Variants in ZBTB46 observed in about 807,000 individuals in gnomAD.
ZBTB46 encodes the protein zinc finger and BTB domain containing 46.
In ZBTB46, 8 loss-of-function variants were observed where a neutral mutation model predicts 44.1. The ratio of observed to expected loss-of-function variants is 0.18; its 90% CI spans 0.11 to 0.33. The LOEUF is 0.33. ZBTB46 is among the 10% of genes least tolerant of loss of function. The pLI is 1.00. For synonymous variants in ZBTB46, 409 were observed against 382.3 expected (o/e 1.07, Z -0.81); for missense variants, 651 against 847.7 (o/e 0.77, Z 2.88).
chr20:63,759,780 T>G (rs188545787), intron 3 of ZBTB46, among the ~76,000 whole-genome samples: 25 of 152,350 alleles, frequency 1.6e-4, no homozygotes, highest in Non-Finnish European at 5.9e-5. Context: ...TTAACTTTTT[T>G]TTTTGTAGAT....
At chr20:63,820,895 A>ATTT (rs57955289) in intron 1 of ZBTB46, among the ~76,000 whole-genome samples, 4 of 142,294 alleles carry the variant, frequency 2.8e-5, no homozygotes, top group Non-Finnish European at 6.2e-5. Context: ...TGCATGGCTA[A>ATTT]TTTTTTTTTT....
intron 2 of ZBTB46, among the ~76,000 whole-genome samples, chr20:63,784,683 A>G (rs758829186): frequency 6.8e-4 from 104 of 152,350 alleles, no homozygotes; most frequent in Non-Finnish European, 1.2e-3. Context: ...CCATAGCTGC[A>G]AACATGAATC....
chr20:63,818,198 G>C (rs1601537129), intron 1 of ZBTB46, among the ~76,000 whole-genome samples: 1 of 152,222 alleles, frequency 6.6e-6, no homozygotes, highest in Non-Finnish European at 1.5e-5. Context: ...GCTGGGGTGA[G>C]AGCCACTGGC....
chr20:63,768,671 A>G (rs1007609474), intron 3 of ZBTB46, among the ~76,000 whole-genome samples: 3 of 151,966 alleles, frequency 2.0e-5, no homozygotes, highest in African/African-American at 7.3e-5. Context: ...AGGGAGGTAC[A>G]CACCCCATGG....
At chr20:63,763,962 TTTTC>T (rs953207891) in intron 3 of ZBTB46, among the ~76,000 whole-genome samples, 4 of 152,068 alleles carry the variant, frequency 2.6e-5, no homozygotes, top group African/African-American at 4.8e-5. Context: ...GTGCTTTCTT[TTTTC>T]TTTTTCTTTT....
intron 1 of ZBTB46, among the ~76,000 whole-genome samples, chr20:63,796,217 A>T (rs1335217331): frequency 2.0e-5 from 3 of 152,210 alleles, no homozygotes; most frequent in Non-Finnish European, 4.4e-5. Flanking sequence ...TAAAAATGTA[A>T]AACAGCAGGC....
chr20:63,752,598 G>A lies in ZBTB46; in HGVS notation c.1398+88C>T, dbSNP rs1027223203. 1.0e-4 allele frequency: 141 copies of A among 1,395,572 alleles called. No homozygotes were observed. Among genetic ancestry groups the A allele is most frequent in the Non-Finnish European group, 1.3e-4 (134 of 1,067,946 alleles). 86.4% of individuals were successfully genotyped at this position (1,395,572 alleles called of 1,614,324 possible). A position where few individuals can be genotyped will look rare whatever the true frequency, so the allele number is the denominator to read the frequency against. On this transcript the variant is annotated intron_variant, in intron 4 of 4. Transcript: ENST00000245663. This position sits in a 1 kb window ranked among gnomAD's most constrained non-coding sequence, Gnocchi z 5.6. ...GCAGAGTGGACCCGGTGTGGGGTCC[G>A]GGGCGGTCTGCGCCCTCATCAGGAC...
chr20:63,748,494 C>T (rs916073925), intron 4 of ZBTB46, among the ~76,000 whole-genome samples: 4 of 152,324 alleles, frequency 2.6e-5, no homozygotes, highest in East Asian at 1.9e-4. Context: ...CGGGCACCCT[C>T]GGCCACGCCA....
chr20:63,780,136 C>T (rs547186586), intron 2 of ZBTB46, among the ~76,000 whole-genome samples: 13 of 151,522 alleles, frequency 8.6e-5, no homozygotes, highest in East Asian at 2.0e-4. Flanking sequence ...CTAGGCATGG[C>T]GGTGCGTGCT....
chr20:63,747,236 G>A lies in ZBTB46; in HGVS notation c.1464C>T (p.Ser488=), dbSNP rs775485617. ...VCSRVFMSAA[S]VGIRHGSRRH... is the part of the protein sequence containing the mutation. ...GCCTGGAGCCATGCCTGATGCCCAC[G>A]CTGGCGGCGGACATGAAGACGCGGC... The change falls in exon 5 of 5, where the codon AGC becomes AGT. Residue 488 remains serine, a synonymous_variant. Transcript: ENST00000245663. The A allele has an allele frequency of 6.3e-6, 10 of 1,584,382 alleles. No homozygotes were observed. The highest frequency in any genetic ancestry group is 1.8e-5 in the Admixed American group (1 of 56,014).
intron 1 of ZBTB46, among the ~76,000 whole-genome samples, chr20:63,825,217 A>G (rs1035598490): frequency 6.6e-6 from 1 of 151,598 alleles, no homozygotes; most frequent in African/African-American, 2.4e-5. Flanking sequence ...CCTGGCCAAC[A>G]TGATGAAACC....
Position 63,746,805 on chromosome 20 carries a change from CAG to C in ZBTB46, c.*123_*124del, listed in dbSNP as rs2092093926. On this transcript the variant is annotated 3_prime_UTR_variant, in exon 5 of 5. Coordinates refer to ENST00000245663, the MANE Select transcript of ZBTB46 (RefSeq NM_001369741.1). ...GGCTGGTTTCCGTGGGGGGTGGGTT[CAG>C]GGGGAAGCAGAGGAGGGGCCGCGAG... 4 of 1,380,678 alleles carry C rather than the reference CAG, an allele frequency of 2.9e-6. No individual in the cohort carries two copies. The highest frequency in any genetic ancestry group is 6.0e-5 in the Admixed American group (2 of 33,454). The allele number at this position is 1,380,678 out of a possible 1,614,324, so 85.5% of individuals were successfully genotyped here. A position where few individuals can be genotyped will look rare whatever the true frequency, so the allele number is the denominator to read the frequency against.
chr20:63,804,506 A>G (rs1409821507), intron 1 of ZBTB46, among the ~76,000 whole-genome samples: 1 of 151,948 alleles, frequency 6.6e-6, no homozygotes, highest in African/African-American at 2.4e-5. Context: ...CACACATGCC[A>G]CCTCGCTGCC....
At chr20:63,805,669 A>G (rs6010659) in intron 1 of ZBTB46, among the ~76,000 whole-genome samples, 27,378 of 151,270 alleles carry the variant, frequency 0.18, 3,005 homozygotes, top group East Asian at 0.45. Context: ...GAGAGGAGAC[A>G]CCTCTGCTGC....
chr20:63,833,467 T>C (rs1368115210), upstream of ZBTB46, among the ~76,000 whole-genome samples: 1 of 152,194 alleles, frequency 6.6e-6, no homozygotes, highest in Non-Finnish European at 1.5e-5. Flanking sequence ...GGCAGGTGCC[T>C]GTAGTCCCAG....
intron 1 of ZBTB46, among the ~76,000 whole-genome samples, chr20:63,810,720 T>C (rs1284840919): frequency 6.6e-6 from 1 of 152,124 alleles, no homozygotes; most frequent in African/African-American, 2.4e-5. Flanking sequence ...CACTCCAGTC[T>C]GGGCAACAGA....
At chr20:63,769,413 C>A in intron 3 of ZBTB46, 2 of 985,372 alleles carry the variant, frequency 2.0e-6, no homozygotes, top group Non-Finnish European at 2.4e-6. Flanking sequence ...GGAGTCTCAC[C>A]CACAGGAACG....
chr20:63,784,116 C>A (rs2092492927), intron 2 of ZBTB46, among the ~76,000 whole-genome samples: 1 of 152,200 alleles, frequency 6.6e-6, no homozygotes, highest in Admixed American at 6.5e-5. Flanking sequence ...GAGGGAACAC[C>A]AGAAGGGGAC....
intron 4 of ZBTB46, among the ~76,000 whole-genome samples, chr20:63,747,536 TG>T (rs1190205076): frequency 2.2e-4 from 2 of 9,256 alleles, no homozygotes; most frequent in Non-Finnish European, 2.0e-4. Context: ...GCCTGGTGGG[TG>T]GGGGGGGTGC....
Sources: allele counts gnomAD v4.1 joint callset (sites outside exome capture counted in the v4.1 genomes callset), GRCh38; gene constraint gnomAD v4.1.1; non-coding constraint Gnocchi (gnomAD v3.1); transcripts MANE v1.5; gene names NCBI Gene and HGNC (gene_info 2026-07-23, HGNC 2026-07-21).